SETMAR: variants seen among roughly 807,000 people sequenced by gnomAD.
The protein encoded by SETMAR is SET and mariner transposase domain methyltransferase, also known as histone-lysine N-methyltransferase SETMAR.
SETMAR carries 44 observed loss-of-function variants against 58.4 expected under a neutral mutation model. The observed-to-expected ratio is 0.75, with a 90% CI of 0.59 to 0.97. The LOEUF is 0.97. Among genes scored for constraint, SETMAR ranks in the 50% least tolerant of loss-of-function variants. The pLI, the probability that SETMAR is intolerant of heterozygous loss-of-function variation, is 0.00. For missense variants in SETMAR, 903 were observed against 840.2 expected (o/e 1.07, Z -0.92); for synonymous variants, 332 against 307.4 (o/e 1.08, Z -0.84).
intron 2 of SETMAR, 71 bp downstream of exon 2, chr3:4,313,832 C>A (rs1317739544): frequency 1.9e-6 from 3 of 1,595,890 alleles, no homozygotes; most frequent in Non-Finnish European, 2.6e-6. Flanking sequence ...AGCTTTACCT[C>A]TGCCTAGTTA....
Position 4,313,448 on chromosome 3 carries a change from G to A in SETMAR, c.707G>A (p.Arg236Gln), listed in dbSNP as rs149944142. The A allele has an allele frequency of 2.0e-4, 326 of 1,613,774 alleles. No individual in the cohort carries two copies. The highest frequency in any genetic ancestry group is 2.7e-4 in the Non-Finnish European group (314 of 1,179,980). Reference protein sequence around the residue: ...CEPNLLMIPVRIDSMVPKLAL... With the variant: ...CEPNLLMIPVQIDSMVPKLAL... ...CCAAACCTTTTGATGATTCCTGTCC[G>A]AATTGACTCAATGGTACCTAAGTTG... The change falls in exon 2 of 3, where the codon CGA becomes CAA. Residue 236 changes from arginine to glutamine, a missense_variant. Physicochemically the swap from Arg to Gln is conservative, Grantham distance 43. Transcript: ENST00000358065.
intron 1 of SETMAR, among the ~76,000 whole-genome samples, chr3:4,306,222 C>G (rs751123863): frequency 1.3e-5 from 2 of 152,166 alleles, no homozygotes; most frequent in Admixed American, 6.5e-5. Flanking sequence ...TATCCAAGAA[C>G]AATCTGTAAA....
rs768239514 is a variant in SETMAR at position 4,316,397 on chromosome 3, T to G, written c.1206T>G (p.Asp402Glu). Residue 402 changes from aspartate (D) to glutamate (E), a missense_variant, in exon 3 of 3, where the codon GAT (aspartate) becomes GAG (glutamate). Transcript: ENST00000358065. Reference protein sequence around the residue: ...KFCKGDESLEDEERSGRPSEV... With the variant: ...KFCKGDESLEEEERSGRPSEV... ...GCAAAGGAGATGAGAGCCTTGAAGA[T>G]GAGGAGCGTAGTGGCCGGCCATCAG... 9 of 1,569,176 alleles carry G rather than the reference T, an allele frequency of 5.7e-6. No individual in the cohort carries two copies. In the Admixed American group the frequency reaches 1.6e-4, roughly 28 times the overall value.
At chr3:4,309,521 A>ACT (rs1365204961) in intron 1 of SETMAR, among the ~76,000 whole-genome samples, 1 of 152,232 alleles carries the variant, frequency 6.6e-6, no homozygotes, top group Non-Finnish European at 1.5e-5. Flanking sequence ...CCAACAAAAA[A>ACT]GGGAAGGAAT....
intron 1 of SETMAR, among the ~76,000 whole-genome samples, chr3:4,309,347 C>T (rs141868170): frequency 6.6e-6 from 1 of 152,126 alleles, no homozygotes; most frequent in Admixed American, 6.5e-5. Flanking sequence ...TTGGAATGCC[C>T]TTGCTGAGAG....
intron 1 of SETMAR, among the ~76,000 whole-genome samples, chr3:4,305,615 A>C (rs1186250113): frequency 6.6e-6 from 1 of 152,194 alleles, no homozygotes; most frequent in Non-Finnish European, 1.5e-5. Context: ...GCAAGGAAAT[A>C]TATTTGGGGT....
intron 1 of SETMAR, among the ~76,000 whole-genome samples, chr3:4,310,869 G>C (rs1559215976): frequency 6.6e-6 from 1 of 152,050 alleles, no homozygotes; most frequent in Non-Finnish European, 1.5e-5. Flanking sequence ...AACATGAAAA[G>C]TTTAACAAAG....
In SETMAR at chr3:4,317,087, CTT is replaced by C; in HGVS notation, c.1900_1901del (p.Leu634AlafsTer43). On this transcript the variant is annotated frameshift_variant, in exon 3 of 3. Transcript: ENST00000358065. LOFTEE classifies it high-confidence loss of function. ...ACCACGTCTTTAAGCATCTCAACAA[CTT>C]TTTGCAGGGAAAACGCTTCCACAAC... ...NYHVFKHLNN[F>X]LQGKRFHNQQ... The C allele has an allele frequency of 1.3e-6, 2 of 1,548,984 alleles. No individual in the cohort carries two copies. Among genetic ancestry groups the C allele is most frequent in the Non-Finnish European group, 1.7e-6 (2 of 1,146,358 alleles).
intron 1 of SETMAR, among the ~76,000 whole-genome samples, chr3:4,305,072 G>A (rs1433580189): frequency 6.6e-6 from 1 of 152,076 alleles, no homozygotes; most frequent in Non-Finnish European, 1.5e-5. Flanking sequence ...GGGATCAATA[G>A]AAATGTTTAG....
intron 2 of SETMAR, among the ~76,000 whole-genome samples, 165 bp from the exon 3 acceptor site, chr3:4,316,046 CA>C (rs774059331): frequency 0.17 from 13,217 of 76,998 alleles, 820 homozygotes; most frequent in African/African-American, 0.36. Flanking sequence ...GACTCTGTCT[CA>C]AAAAAAAAAA....
At position 4,316,491 on chromosome 3, in the gene SETMAR, G is replaced by A; in HGVS notation, c.1300G>A (p.Glu434Lys). ...DPLTTTREVA[E>K]ELNVNHSTVV... Reference sequence around the variant, plus strand: ...CCTTACAACTACACGAGAAGTTGCTGAAGAACTCAATGTCAACCATTCTAC... The same window carrying A: ...CCTTACAACTACACGAGAAGTTGCTAAAGAACTCAATGTCAACCATTCTAC... The change falls in exon 3 of 3, where the codon GAA becomes AAA. Residue 434 changes from glutamate (E) to lysine (K), a missense_variant. Transcript: ENST00000358065. 6.2e-7 allele frequency: 1 copy of A among 1,601,300 alleles called. No individual in the cohort carries two copies. The highest frequency in any genetic ancestry group is 8.5e-7 in the Non-Finnish European group (1 of 1,173,676).
chr3:4,312,969 T>A lies in SETMAR; in HGVS notation c.228T>A (p.Ile76=), dbSNP rs1397232634. The part of the protein sequence containing the change: ...DPTQITFPGC[I]CVKTPCLPGT... ...CTCAAATAACCTTTCCCGGATGCAT[T>A]TGTGTCAAAACTCCCTGCCTCCCTG... Residue 76 remains isoleucine (I), a synonymous_variant, in exon 2 of 3, where the codon ATT becomes ATA. Transcript: ENST00000358065. 3 of 1,613,788 alleles carry A rather than the reference T, an allele frequency of 1.9e-6. No individual in the cohort carries two copies. The African/African-American group carries it at 4.0e-5, about 22-fold the overall frequency.
In SETMAR at chr3:4,313,671, G is replaced by T; in HGVS notation, c.930G>T (p.Lys310Asn). ...FDSSLYCPVE[K>N]SNISCGNEKE... ...GTTCTCTGTACTGCCCCGTAGAAAA[G>T]TCGAACATCAGTTGTGGAAATGAGA... Residue 310 changes from lysine to asparagine, a missense_variant, in exon 2 of 3, where the codon AAG becomes AAT. Transcript: ENST00000358065. The T allele has an allele frequency of 6.2e-7, 1 of 1,614,000 alleles. No homozygotes were observed. Among genetic ancestry groups the T allele is most frequent in the Non-Finnish European group, 8.5e-7 (1 of 1,179,962 alleles).
intron 1 of SETMAR, among the ~76,000 whole-genome samples, chr3:4,306,042 A>AG (rs1698174110): frequency 6.6e-6 from 1 of 151,692 alleles, no homozygotes; most frequent in Non-Finnish European, 1.5e-5. Flanking sequence ...AATATATGCA[A>AG]GGTGGTGGGT....
Position 4,313,242 on chromosome 3 carries a change from A to G in SETMAR, c.501A>G (p.Glu167=), listed in dbSNP as rs1381999483. The part of the protein sequence containing the change: ...EFIPKGRFVC[E]YAGEVLGFSE... ...TACCGAAAGGAAGGTTTGTCTGTGA[A>G]TATGCTGGTGAGGTTTTAGGATTCT... Residue 167 remains glutamate (E), a synonymous_variant, in exon 2 of 3, where the codon GAA becomes GAG. Transcript: ENST00000358065. 6.8e-6 allele frequency: 11 copies of G among 1,613,994 alleles called. No individual in the cohort carries two copies. Among genetic ancestry groups the G allele is most frequent in the Non-Finnish European group, 9.3e-6 (11 of 1,179,988 alleles).
intron 1 of SETMAR, among the ~76,000 whole-genome samples, chr3:4,309,347 C>G (rs141868170): frequency 7.0e-4 from 107 of 152,244 alleles, no homozygotes; most frequent in African/African-American, 2.4e-3. Context: ...TTGGAATGCC[C>G]TTGCTGAGAG....
At position 4,317,061 on chromosome 3, in the gene SETMAR, TACC is replaced by T. The variant is rs1161752471; in HGVS notation, c.1873_1875del (p.His625del). On this transcript the variant is annotated inframe_deletion, in exon 3 of 3. Transcript: ENST00000358065. ...TTCACCTGACCTCTTGCCAACCAAC[TACC>T]ACGTCTTTAAGCATCTCAACAACTT... 1 of 1,549,200 alleles carries T rather than the reference TACC, an allele frequency of 6.5e-7. No homozygotes were observed. Among genetic ancestry groups the T allele is most frequent in the Admixed American group, 2.0e-5 (1 of 50,970 alleles).
At chr3:4,311,761 G>A (rs910536268) in intron 1 of SETMAR, among the ~76,000 whole-genome samples, 3 of 151,998 alleles carry the variant, frequency 2.0e-5, no homozygotes, top group Non-Finnish European at 2.9e-5. Flanking sequence ...CTCCTTACTT[G>A]TTCATTTATC....
intron 1 of SETMAR, among the ~76,000 whole-genome samples, chr3:4,312,254 A>G (rs1698435518): frequency 6.6e-6 from 1 of 152,178 alleles, no homozygotes; most frequent in Non-Finnish European, 1.5e-5. Context: ...CATGTATATT[A>G]TCAGGTAAAG....
Sources: allele counts gnomAD v4.1 joint callset (sites outside exome capture counted in the v4.1 genomes callset), GRCh38; gene constraint gnomAD v4.1.1; transcripts MANE v1.5; gene names NCBI Gene and HGNC (gene_info 2026-07-23, HGNC 2026-07-21).